BCL11B: variants seen among roughly 807,000 people sequenced by gnomAD.
BCL11B encodes the protein BCL11 transcription factor B.
BCL11B carries 8 observed loss-of-function variants against 49.9 expected under a neutral mutation model. That is an observed-to-expected ratio of 0.16 (90% CI 0.09 to 0.29). The LOEUF (loss-of-function observed/expected upper bound fraction) is 0.29. Ranked by LOEUF, BCL11B falls within the 10% of genes least tolerant of loss-of-function variation. The probability of loss-of-function intolerance (pLI) is 1.00; values close to 1 mark genes in which losing one functional copy is unlikely to be tolerated. For missense variants in BCL11B, 1,006 were observed against 1,351.0 expected, an observed-to-expected ratio of 0.74 and a Z score of 4.00; for synonymous variants, 739 against 637.4, an observed-to-expected ratio of 1.16 and a Z score of -2.40.
chr14:99,186,817 CA>C (rs1232036949), intron 3 of BCL11B, among the ~76,000 whole-genome samples: 2 of 152,190 alleles, frequency 1.3e-5, no homozygotes, highest in South Asian at 4.1e-4. Context: ...CTCAATATAA[CA>C]AAAGGATGCA....
chr14:99,269,684 T>A (rs1020363399), intron 1 of BCL11B, among the ~76,000 whole-genome samples: 44 of 150,688 alleles, frequency 2.9e-4, no homozygotes, highest in African/African-American at 5.1e-4. Context: ...TTAAATTTTT[T>A]AAAATATAAC....
intron 3 of BCL11B, among the ~76,000 whole-genome samples, chr14:99,210,356 G>A (rs1887652039): frequency 6.6e-6 from 1 of 152,148 alleles, no homozygotes; most frequent in Non-Finnish European, 1.5e-5. Flanking sequence ...ACCGGAGAAG[G>A]GGAGGAAGAA....
intron 2 of BCL11B, among the ~76,000 whole-genome samples, chr14:99,235,712 C>A (rs947523602): frequency 1.4e-5 from 2 of 146,884 alleles, no homozygotes; most frequent in Non-Finnish European, 3.0e-5. Flanking sequence ...GGAAGGACAG[C>A]GGGGGGAAGG....
At chr14:99,186,535 A>G (rs1886858740) in intron 3 of BCL11B, among the ~76,000 whole-genome samples, 1 of 152,234 alleles carries the variant, frequency 6.6e-6, no homozygotes, top group Admixed American at 6.5e-5. Context: ...AAAGTGCATC[A>G]TGCAGAGAAG....
At chr14:99,267,655 TG>T (rs577928669) in intron 1 of BCL11B, among the ~76,000 whole-genome samples, 219 of 151,828 alleles carry the variant, frequency 1.4e-3, no homozygotes, top group African/African-American at 5.0e-3. Flanking sequence ...TACTCTACCC[TG>T]GGGAGTTAAG....
Position 99,228,434 on chromosome 14 carries a change from T to C in BCL11B, c.640+2911A>G, listed in dbSNP as rs1016694388. 6.6e-6 allele frequency among the ~76,000 whole-genome samples: 1 copy of C among 151,950 alleles called. No individual in the cohort carries two copies. The highest frequency in any genetic ancestry group is 2.4e-5 in the African/African-American group (1 of 41,364). On this transcript the variant is annotated intron_variant, in intron 3 of 3. Transcript: ENST00000357195. The surrounding 1 kb of genome is among the most constrained non-coding windows in gnomAD (Gnocchi z 4.8). ...TGAGGGCCAATGAACTGGGACCGAA[T>C]GAAAAAAGAGAACTGTACCAGACAT... is the stretch of plus-strand genomic sequence containing the variant.
rs570977620 is a variant in BCL11B, at chr14:99,241,597, G to A, written c.428-10040C>T. Among the ~76,000 whole-genome samples the A allele has an allele frequency of 5.3e-5, 8 of 152,234 alleles. No homozygotes were observed. The highest frequency in any genetic ancestry group is 1.9e-4 in the East Asian group (1 of 5,172). ...GACAGCTGCCTCCTGCCCTTGGAGC[G>A]GCCAAGTGCAAACAAAAATGAGACC... is the stretch of plus-strand genomic sequence containing the variant. On this transcript the variant is annotated intron_variant, in intron 2 of 3. Coordinates refer to ENST00000357195, the MANE Select transcript of BCL11B (RefSeq NM_138576.4). The surrounding 1 kb of genome is among the most constrained non-coding windows in gnomAD (Gnocchi z 4.4).
In BCL11B at chr14:99,244,854, A is replaced by C. The variant is rs551530475; in HGVS notation, c.427+12617T>G. ...GCCTTGAGAGCCCAGCAAGTGTAAC[A>C]TACTATTTCATATTATAAGTATATA... On this transcript the variant is annotated intron_variant, in intron 2 of 3. Transcript: ENST00000357195. Among the ~76,000 whole-genome samples the C allele has an allele frequency of 2.6e-5, 4 of 152,338 alleles. No individual in the cohort carries two copies. The South Asian group carries it at 8.3e-4, about 32-fold the overall frequency.
Position 99,257,567 on chromosome 14 carries a change from C to G in BCL11B, c.331G>C (p.Glu111Gln). The change falls in exon 2 of 4, where the codon GAG (glutamate) becomes CAG (glutamine). Residue 111 changes from glutamate to glutamine, a missense_variant. Physicochemically the swap from Glu to Gln is conservative, Grantham distance 29. Coordinates refer to ENST00000357195, the MANE Select transcript of BCL11B (RefSeq NM_138576.4). The surrounding 1 kb of genome is among the most constrained non-coding windows in gnomAD (Gnocchi z 6.2). ...SSRSELRKVS[E>Q]PVEIGIQVTP... is the part of the protein sequence containing the mutation. ...ACTTGGATCCCGATCTCCACCGGCTCGGACACTTTCCTGAGCTCGGAGCGT... is the reference window on the plus strand; with the variant it reads ...ACTTGGATCCCGATCTCCACCGGCTGGGACACTTTCCTGAGCTCGGAGCGT... 6.2e-7 allele frequency: 1 copy of G among 1,614,122 alleles called. No homozygotes were observed. Among genetic ancestry groups the G allele is most frequent in the Non-Finnish European group, 8.5e-7 (1 of 1,180,006 alleles).
At chr14:99,245,559 C>T (rs1888800843) in intron 2 of BCL11B, among the ~76,000 whole-genome samples, 1 of 152,236 alleles carries the variant, frequency 6.6e-6, no homozygotes, top group South Asian at 2.1e-4. Flanking sequence ...CGCTCTGTCC[C>T]GCCAAGGTGG....
At chr14:99,269,681 T>G (rs2139981018) in intron 1 of BCL11B, among the ~76,000 whole-genome samples, 1 of 149,546 alleles carries the variant, frequency 6.7e-6, no homozygotes, top group South Asian at 2.1e-4. Context: ...TATTTAAATT[T>G]TTTAAAATAT....
Position 99,170,803 on chromosome 14 carries a change from A to G in BCL11B, c.*3348T>C, listed in dbSNP as rs1328579194. On this transcript the variant is annotated 3_prime_UTR_variant, in exon 4 of 4. Transcript: ENST00000357195. ...TGATGGAGTCTCCTTCCTGAAATCC[A>G]ATTTGTACCGGTCTCAACAGCAGGT... The G allele has an allele frequency of 1.3e-5, 3 of 233,038 alleles. No individual in the cohort carries two copies. The highest frequency in any genetic ancestry group is 2.5e-5 in the Non-Finnish European group (3 of 117,810). The allele number at this position is 233,038 out of a possible 1,614,324, so 14.4% of individuals were successfully genotyped here.
chr14:99,252,362 A>C (rs1348154259), intron 2 of BCL11B, among the ~76,000 whole-genome samples: 2 of 152,236 alleles, frequency 1.3e-5, no homozygotes, highest in African/African-American at 4.8e-5. Flanking sequence ...CAGCACAAGC[A>C]AGTTATTTAG....
At chr14:99,224,780 A>T (rs1888112682) in intron 3 of BCL11B, among the ~76,000 whole-genome samples, 1 of 152,170 alleles carries the variant, frequency 6.6e-6, no homozygotes, top group Non-Finnish European at 1.5e-5. Context: ...GTAAGTGGCT[A>T]GCCTGGGATC....
At chr14:99,208,916 C>G (rs1887611240) in intron 3 of BCL11B, among the ~76,000 whole-genome samples, 1 of 152,184 alleles carries the variant, frequency 6.6e-6, no homozygotes, top group Non-Finnish European at 1.5e-5. Context: ...CAGGCCAAGG[C>G]CAACGTGGAC....
At chr14:99,181,532 G>A (rs142149510) in intron 3 of BCL11B, among the ~76,000 whole-genome samples, 192 of 152,316 alleles carry the variant, frequency 1.3e-3, no homozygotes, top group African/African-American at 4.5e-3. Context: ...GGCATTTATC[G>A]TCAGGGCCTG....
Position 99,175,634 on chromosome 14 carries a change from G to A in BCL11B, c.1202C>T (p.Ser401Phe). 1 of 1,563,058 alleles carries A rather than the reference G, an allele frequency of 6.4e-7. No individual in the cohort carries two copies. Among genetic ancestry groups the A allele is most frequent in the Non-Finnish European group, 8.6e-7 (1 of 1,163,546 alleles). Reference protein sequence around the residue: ...LLNPFQPSPKSPFLSTPPLPP... With the variant: ...LLNPFQPSPKFPFLSTPPLPP... ...CAGCGGCGGCGTGCTCAGGAACGGGGACTTGGGGCTGGGCTGGAAGGGGTT... is the reference window on the plus strand; with the variant it reads ...CAGCGGCGGCGTGCTCAGGAACGGGAACTTGGGGCTGGGCTGGAAGGGGTT... Residue 401 changes from serine (S) to phenylalanine (F), a missense_variant, in exon 4 of 4, where the codon TCC (serine) becomes TTC (phenylalanine). Ser to Phe is a radical substitution (Grantham distance 155, BLOSUM62 -2). Coordinates refer to ENST00000357195, the MANE Select transcript of BCL11B (RefSeq NM_138576.4).
intron 3 of BCL11B, among the ~76,000 whole-genome samples, chr14:99,229,849 G>A (rs1219867158): frequency 6.6e-6 from 1 of 152,100 alleles, no homozygotes; most frequent in African/African-American, 2.4e-5. Flanking sequence ...CACCCAGACA[G>A]AGCAGGCACC....
At chr14:99,229,090 A>ATGGATG (rs1888249092) in intron 3 of BCL11B, among the ~76,000 whole-genome samples, 7 of 66,696 alleles carry the variant, frequency 1.0e-4, no homozygotes, top group Admixed American at 3.1e-4. Context: ...ATGGATGGAT[A>ATGGATG]GATGGATGGA....
Sources: gnomAD v4.1 joint callset for allele counts (sites outside exome capture counted in the v4.1 genomes callset) on GRCh38, gnomAD v4.1.1 for gene constraint, Gnocchi (gnomAD v3.1) non-coding constraint, MANE v1.5 for transcripts, NCBI Gene and HGNC (gene_info 2026-07-23, HGNC 2026-07-21) for gene names.